Variants in GSPT1 observed in about 807,000 individuals in gnomAD.
GSPT1 encodes G1 to S phase transition 1, also known as eukaryotic peptide chain release factor GTP-binding subunit ERF3A.
GSPT1 carries 20 observed loss-of-function variants against 72.5 expected under a neutral mutation model. That is an observed-to-expected ratio of 0.28 (90% CI 0.19 to 0.40). The LOEUF (loss-of-function observed/expected upper bound fraction) is 0.40. GSPT1 is among the 10% of genes least tolerant of loss of function. The pLI, the probability that GSPT1 is intolerant of heterozygous loss-of-function variation, is 1.00. For missense variants in GSPT1, 580 were observed against 811.9 expected, an observed-to-expected ratio of 0.71 and a Z score of 3.47; for synonymous variants, 334 against 293.5, an observed-to-expected ratio of 1.14 and a Z score of -1.41.
chr16:11,907,875 G>C (rs2054507971), intron 1 of GSPT1, among the ~76,000 whole-genome samples: 1 of 152,204 alleles, frequency 6.6e-6, no homozygotes, highest in Non-Finnish European at 1.5e-5. Flanking sequence ...TTTGCATAGA[G>C]TAACTAAAAT....
Position 11,892,506 on chromosome 16 carries a change from C to CAAAAAAAAAAA in GSPT1, c.699-1368_699-1367insTTTTTTTTTTT, listed in dbSNP as rs777010436. On this transcript the variant is annotated intron_variant, in intron 5 of 14. Transcript: ENST00000434724. ...CCTAAACAACAGGGAGACCCTTTCT[C>CAAAAAAAAAAA]AAAAAAACAAAAAAAACAAAAAAAA... is the stretch of plus-strand genomic sequence containing the variant. Among the ~76,000 whole-genome samples the CAAAAAAAAAAA allele has an allele frequency of 1.4e-3, 86 of 60,226 alleles. 3 individuals carry two copies. Among genetic ancestry groups the CAAAAAAAAAAA allele is most frequent in the African/African-American group, 4.7e-3 (59 of 12,500 alleles). The allele number at this position is 60,226 out of a possible 152,430, so 39.5% of individuals were successfully genotyped here. A position where few individuals can be genotyped will look rare whatever the true frequency, so the allele number is the denominator to read the frequency against.
chr16:11,887,935 C>T (rs966980209), intron 6 of GSPT1, among the ~76,000 whole-genome samples, 185 bp from the exon 7 acceptor site: 7 of 151,706 alleles, frequency 4.6e-5, no homozygotes, highest in African/African-American at 1.5e-4. Flanking sequence ...GAGGCCAAGG[C>T]GGCGGATCAC....
intron 5 of GSPT1, among the ~76,000 whole-genome samples, chr16:11,891,367 TA>T (rs201773455): frequency 2.5e-4 from 34 of 138,242 alleles, no homozygotes; most frequent in Middle Eastern, 3.7e-3. Context: ...TATATATATA[TA>T]TTTTTTTTTT....
intron 1 of GSPT1, among the ~76,000 whole-genome samples, chr16:11,914,805 A>T (rs2054607781): frequency 6.6e-6 from 1 of 152,204 alleles, no homozygotes; most frequent in African/African-American, 2.4e-5. Flanking sequence ...TTTCTGCCCG[A>T]TCACAAGGCT....
At chr16:11,907,596 G>A (rs2054505078) in intron 1 of GSPT1, among the ~76,000 whole-genome samples, 1 of 142,682 alleles carries the variant, frequency 7.0e-6, no homozygotes, top group Non-Finnish European at 1.5e-5. Context: ...ATTAGCTCCA[G>A]GCATGCCCTT....
At chr16:11,906,213 C>G (rs1002360258) in intron 1 of GSPT1, among the ~76,000 whole-genome samples, 1 of 152,122 alleles carries the variant, frequency 6.6e-6, no homozygotes, top group Non-Finnish European at 1.5e-5. Context: ...CCTCACTTCC[C>G]TTTTCTGACC....
At chr16:11,874,136 T>C (rs2054010096) in intron 14 of GSPT1, among the ~76,000 whole-genome samples, 1 of 152,226 alleles carries the variant, frequency 6.6e-6, no homozygotes, top group Non-Finnish European at 1.5e-5. Context: ...GGGGTGATTA[T>C]GAACAGGTGT....
rs5815660 is a variant in GSPT1 at position 11,898,441 on chromosome 16, C to CTT, written c.353-408_353-407dup. Among the ~76,000 whole-genome samples, 226 of 107,050 alleles carry CTT rather than the reference C, an allele frequency of 2.1e-3. 3 individuals carry two copies. The highest frequency in any genetic ancestry group is 6.7e-3 in the African/African-American group (189 of 28,164). The allele number at this position is 107,050 out of a possible 152,430, so 70.2% of individuals were successfully genotyped here. On this transcript the variant is annotated intron_variant, in intron 1 of 14. Transcript: ENST00000434724. Reference sequence around the variant, plus strand: ...CAGCCCAAGAAAGCTGTGATTAGCCCTTTTTTTTTTTTTTTTTTTTTGAGA... The same window carrying CTT: ...CAGCCCAAGAAAGCTGTGATTAGCCCTTTTTTTTTTTTTTTTTTTTTTTGAGA...
At chr16:11,910,280 A>G (rs1010860202) in intron 1 of GSPT1, among the ~76,000 whole-genome samples, 2 of 152,178 alleles carry the variant, frequency 1.3e-5, no homozygotes, top group African/African-American at 4.8e-5. Flanking sequence ...GTTTTACGTA[A>G]GGGATTGCTG....
intron 11 of GSPT1, chr16:11,881,596 C>T (rs1567437081): frequency 6.6e-6 from 1 of 150,832 alleles, no homozygotes; most frequent in East Asian, 1.9e-4. Context: ...TAAGCAGTCA[C>T]TCCTTACTTT....
intron 1 of GSPT1, among the ~76,000 whole-genome samples, chr16:11,905,855 A>G (rs2054482353): frequency 6.6e-6 from 1 of 152,042 alleles, no homozygotes; most frequent in African/African-American, 2.4e-5. Context: ...AAGTAAGTAA[A>G]TAAATAAATA....
In GSPT1 at chr16:11,915,657, TG is replaced by T; in HGVS notation, c.63del (p.Ser21ArgfsTer126). 6.7e-7 allele frequency: 1 copy of T among 1,485,688 alleles called. No individual in the cohort carries two copies. Among genetic ancestry groups the T allele is most frequent in the South Asian group, 1.3e-5 (1 of 79,462 alleles). The allele number at this position is 1,485,688 out of a possible 1,614,324, so 92.0% of individuals were successfully genotyped here. A position where few individuals can be genotyped will look rare whatever the true frequency, so the allele number is the denominator to read the frequency against. Reference sequence around the variant, plus strand: ...CAGTCAGGCGCCGAGTCGCTGCTGCTGCTGCCGCTGCTGCTCCCGCCGCCGC... The same window carrying T: ...CAGTCAGGCGCCGAGTCGCTGCTGCTCTGCCGCTGCTGCTCCCGCCGCCGC... ...GGGGGGSSSG[S>X]SSSDSAPDCW... On this transcript the variant is annotated frameshift_variant, in exon 1 of 15. Coordinates refer to ENST00000434724, the MANE Select transcript of GSPT1 (RefSeq NM_002094.4). LOFTEE classifies it high-confidence loss of function.
In GSPT1 at chr16:11,871,159, A is replaced by G. The variant is rs2141267055; in HGVS notation, c.*1960T>C. 6.6e-6 allele frequency: 1 copy of G among 152,330 alleles called. No individual in the cohort carries two copies. Among genetic ancestry groups the G allele is most frequent in the African/African-American group, 2.4e-5 (1 of 41,580 alleles). The allele number at this position is 152,330 out of a possible 1,614,324, so 9.4% of individuals were successfully genotyped here. ...GAGATTTGCAGACATAATAAAATCT[A>G]TTTAAATTTCATGCAATAGCCATAA... On this transcript the variant is annotated 3_prime_UTR_variant, in exon 15 of 15. Transcript: ENST00000434724.
Position 11,891,058 on chromosome 16 carries a change from A to G in GSPT1, c.776+4T>C, listed in dbSNP as rs777230193. 5.7e-5 allele frequency: 78 copies of G among 1,360,678 alleles called. No individual in the cohort carries two copies. The East Asian group carries it at 1.9e-3, about 34-fold the overall frequency. 84.3% of individuals were successfully genotyped at this position (1,360,678 alleles called of 1,614,324 possible). The stretch of plus-strand genomic sequence containing the variant: ...TTTATAAGTGTCATAAAAGTTTACT[A>G]TACCAAGTTTCTCTGTTTTTCTCTT... On this transcript the variant is annotated splice_donor_region_variant and intron_variant, in intron 6 of 14. Transcript: ENST00000434724.
At chr16:11,883,200 A>G in intron 10 of GSPT1, 105 bp from the exon 11 acceptor site, 1 of 703,010 alleles carries the variant, frequency 1.4e-6, no homozygotes, top group Non-Finnish European at 2.5e-6. Flanking sequence ...AAGGAAAATC[A>G]TTTGCTTAAG....
chr16:11,891,787 C>A (rs2141293673), intron 5 of GSPT1, among the ~76,000 whole-genome samples: 1 of 151,352 alleles, frequency 6.6e-6, no homozygotes, highest in Non-Finnish European at 1.5e-5. Flanking sequence ...CTCAGCCTCT[C>A]AAGTAGCTGG....
intron 11 of GSPT1, among the ~76,000 whole-genome samples, chr16:11,879,106 T>TGATA (rs1555503745): frequency 2.0e-5 from 3 of 149,054 alleles, no homozygotes; most frequent in Non-Finnish European, 4.4e-5. Context: ...ATAATAATAA[T>TGATA]AAAAAAAAGG....
At position 11,872,628 on chromosome 16, in the gene GSPT1, T is replaced by C. The variant is rs2053991466; in HGVS notation, c.*491A>G. The C allele has an allele frequency of 6.6e-6, 1 of 152,484 alleles. No individual in the cohort carries two copies. The highest frequency in any genetic ancestry group is 3.4e-3 in the Middle Eastern group (1 of 294). 9.4% of individuals were successfully genotyped at this position (152,484 alleles called of 1,614,324 possible). A position where few individuals can be genotyped will look rare whatever the true frequency, so the allele number is the denominator to read the frequency against. On this transcript the variant is annotated 3_prime_UTR_variant, in exon 15 of 15. Coordinates refer to ENST00000434724, the MANE Select transcript of GSPT1 (RefSeq NM_002094.4). Reference sequence around the variant, plus strand: ...AGTTAAAAAGCTAATGCAACAATGTTACATCCAGATAAAAAACATTATTCA... The same window carrying C: ...AGTTAAAAAGCTAATGCAACAATGTCACATCCAGATAAAAAACATTATTCA...
At chr16:11,882,888 T>A in intron 11 of GSPT1, 127 bp downstream of exon 11, 2 of 623,468 alleles carry the variant, frequency 3.2e-6, no homozygotes, top group South Asian at 4.0e-5. Flanking sequence ...GCTTGAAAGT[T>A]TGAGGCTGCA....
Sources: gnomAD v4.1 joint callset for allele counts (sites outside exome capture counted in the v4.1 genomes callset) on GRCh38, gnomAD v4.1.1 for gene constraint, MANE v1.5 for transcripts, NCBI Gene and HGNC (gene_info 2026-07-23, HGNC 2026-07-21) for gene names.